SIPA1L3: variants seen among roughly 807,000 people sequenced by gnomAD.
SIPA1L3 encodes signal-induced proliferation-associated 1-like protein 3.
In SIPA1L3, 59 loss-of-function variants were observed where a neutral mutation model predicts 150.1. That is an observed-to-expected ratio of 0.39 (90% CI 0.32 to 0.49). The LOEUF (loss-of-function observed/expected upper bound fraction) is 0.49, where lower values mean the gene tolerates loss of function less well. Ranked by LOEUF, SIPA1L3 falls within the 20% of genes least tolerant of loss-of-function variation. The pLI is 0.86. For synonymous variants in SIPA1L3, 1,070 were observed against 1,077.6 expected (o/e 0.99, Z 0.14); for missense variants, 2,211 against 2,489.5 (o/e 0.89, Z 2.38).
At chr19:38,158,347 G>T (rs558456224) in intron 13 of SIPA1L3, among the ~76,000 whole-genome samples, 8 of 152,340 alleles carry the variant, frequency 5.3e-5, no homozygotes, top group African/African-American at 1.9e-4. Flanking sequence ...AAAGAAGTCA[G>T]TGGGGATGAG....
chr19:38,157,483 A>G (rs1201320114), intron 13 of SIPA1L3, among the ~76,000 whole-genome samples: 1 of 152,186 alleles, frequency 6.6e-6, no homozygotes, highest in African/African-American at 2.4e-5. Flanking sequence ...GAACCCCTCC[A>G]TAAGCTCCAC....
chr19:37,915,367 GT>G (rs892494952), intron 1 of SIPA1L3, among the ~76,000 whole-genome samples: 2 of 150,810 alleles, frequency 1.3e-5, no homozygotes, highest in Admixed American at 6.7e-5. Context: ...TGGAAAAGGT[GT>G]TTTTTTTTGT....
rs1305864653 is a variant in SIPA1L3, at chr19:38,149,082, T to G, written c.3534-3758T>G. Among the ~76,000 whole-genome samples the G allele has an allele frequency of 3.3e-5, 5 of 152,176 alleles. No homozygotes were observed. In the South Asian group the frequency reaches 8.3e-4, roughly 25 times the overall value. ...ATGGTCAACATAGGTCAGTTTGCAT[T>G]GGGATAATAAAAAGTCTTGTTAGTT... On this transcript the variant is annotated intron_variant, in intron 12 of 21. Coordinates refer to ENST00000222345, the MANE Select transcript of SIPA1L3 (RefSeq NM_015073.3).
chr19:38,112,088 T>C (rs1335682568), intron 8 of SIPA1L3, among the ~76,000 whole-genome samples: 2 of 143,878 alleles, frequency 1.4e-5, no homozygotes, highest in Non-Finnish European at 3.0e-5. Context: ...CGTCCGCACA[T>C]GCACACACCT....
intron 1 of SIPA1L3, among the ~76,000 whole-genome samples, chr19:37,983,238 C>T (rs1967244776): frequency 6.6e-6 from 1 of 152,160 alleles, no homozygotes; most frequent in African/African-American, 2.4e-5. Context: ...GCTAGAGAGG[C>T]AGTGGAGGGT....
At chr19:38,044,832 C>T (rs543428174) in intron 2 of SIPA1L3, among the ~76,000 whole-genome samples, 1 of 152,154 alleles carries the variant, frequency 6.6e-6, no homozygotes, top group African/African-American at 2.4e-5. Flanking sequence ...AGAAACATAA[C>T]CCAGACATCT....
chr19:37,981,586 G>T (rs762937838), intron 1 of SIPA1L3, among the ~76,000 whole-genome samples: 2 of 152,022 alleles, frequency 1.3e-5, no homozygotes, highest in African/African-American at 2.4e-5. Context: ...ATAGATGCCG[G>T]CAATTATTAT....
chr19:37,985,024 G>A (rs946150888), intron 1 of SIPA1L3, among the ~76,000 whole-genome samples: 7 of 152,160 alleles, frequency 4.6e-5, no homozygotes, highest in Non-Finnish European at 1.0e-4. Context: ...AAGGTCTGGT[G>A]GAGGAGACAG....
chr19:37,932,211 A>T (rs1446130349), intron 1 of SIPA1L3: 4 of 152,512 alleles, frequency 2.6e-5, no homozygotes. Context: ...GTGTGGGCAC[A>T]AGTCCAGCCC....
rs370275488 is a variant in SIPA1L3, at chr19:37,926,863, C to T, written c.-379+19505C>T. ...CAATGTATGTAGCGTCTGCTGCATGCAAGACACTGTGCCGGGCCCTTCACA... is the reference window on the plus strand; with the variant it reads ...CAATGTATGTAGCGTCTGCTGCATGTAAGACACTGTGCCGGGCCCTTCACA... On this transcript the variant is annotated intron_variant, in intron 1 of 21. Transcript: ENST00000222345. Among the ~76,000 whole-genome samples, 11 of 152,180 alleles carry T rather than the reference C, an allele frequency of 7.2e-5. No individual in the cohort carries two copies. The East Asian group carries it at 7.7e-4, about 11-fold the overall frequency.
In SIPA1L3 at chr19:38,164,743, G is replaced by A. The variant is rs146387504; in HGVS notation, c.4045G>A (p.Glu1349Lys). The A allele has an allele frequency of 3.7e-6, 6 of 1,612,594 alleles. No individual in the cohort carries two copies. Among genetic ancestry groups the A allele is most frequent in the East Asian group, 4.5e-5 (2 of 44,804 alleles). Reference protein sequence around the residue: ...GSMGLCGGGREAAGRSHHADR... With the variant: ...GSMGLCGGGRKAAGRSHHADR... The stretch of plus-strand genomic sequence containing the variant: ...TATGGGCCTTTGTGGCGGGGGTCGC[G>A]AGGCCGCTGGGAGGTCCCACCACGC... The change falls in exon 15 of 22, where the codon GAG becomes AAG. Residue 1349 changes from glutamate to lysine, a missense_variant. This residue lies in a region of SIPA1L3 where 806 missense variants were observed against 870.1 expected (regional missense o/e 0.93). Transcript: ENST00000222345. This position sits in a 1 kb window ranked among gnomAD's most constrained non-coding sequence, Gnocchi z 4.1.
rs761434202 is a variant in SIPA1L3 at position 38,082,343 on chromosome 19, G to T, written c.778G>T (p.Asp260Tyr). ...LMGGGGGAKG[D>Y]SHNGQPAKDS... The stretch of plus-strand genomic sequence containing the variant: ...GGGGGGCGGCGGCGGAGCCAAGGGG[G>T]ACTCCCACAACGGGCAGCCCGCCAA... Residue 260 changes from aspartate (D) to tyrosine (Y), a missense_variant, in exon 3 of 22, where the codon GAC (aspartate) becomes TAC (tyrosine). Physicochemically the swap from Asp to Tyr is radical, Grantham distance 160 (BLOSUM62 -3). This residue lies in a region of SIPA1L3 where 587 missense variants were observed against 534.5 expected (regional missense o/e 1.10). Coordinates refer to ENST00000222345, the MANE Select transcript of SIPA1L3 (RefSeq NM_015073.3). 1 of 1,598,718 alleles carries T rather than the reference G, an allele frequency of 6.3e-7. No homozygotes were observed. The highest frequency in any genetic ancestry group is 8.5e-7 in the Non-Finnish European group (1 of 1,178,966).
chr19:38,015,492 G>C (rs937600661), intron 1 of SIPA1L3, among the ~76,000 whole-genome samples: 1 of 152,076 alleles, frequency 6.6e-6, no homozygotes, highest in African/African-American at 2.4e-5. Flanking sequence ...GGGAGGCTGA[G>C]GCGGGCAGAC....
intron 1 of SIPA1L3, among the ~76,000 whole-genome samples, chr19:37,974,672 T>G (rs185784987): frequency 6.6e-6 from 1 of 152,232 alleles, no homozygotes; most frequent in African/African-American, 2.4e-5. Flanking sequence ...TGCTTTCATT[T>G]CGTGAATCTT....
intron 12 of SIPA1L3, among the ~76,000 whole-genome samples, chr19:38,149,747 C>A (rs1370301150): frequency 6.6e-6 from 1 of 152,194 alleles, no homozygotes; most frequent in Non-Finnish European, 1.5e-5. Flanking sequence ...ATGTGTGGCA[C>A]CTCCACTTTT....
At chr19:38,040,551 T>A (rs1311355708) in intron 2 of SIPA1L3, among the ~76,000 whole-genome samples, 1 of 152,170 alleles carries the variant, frequency 6.6e-6, no homozygotes, top group Non-Finnish European at 1.5e-5. Context: ...GACTCATCAT[T>A]CCAGTGCGAA....
At chr19:38,029,590 T>C (rs1202263771) in intron 2 of SIPA1L3, among the ~76,000 whole-genome samples, 2 of 152,206 alleles carry the variant, frequency 1.3e-5, no homozygotes, top group Middle Eastern at 3.2e-3. Flanking sequence ...AACCCTCTTT[T>C]GGTATATAGT....
At chr19:38,071,252 T>G (rs1417442312) in intron 2 of SIPA1L3, among the ~76,000 whole-genome samples, 1 of 149,792 alleles carries the variant, frequency 6.7e-6, no homozygotes, top group African/African-American at 2.5e-5. Flanking sequence ...TATCTATCTA[T>G]CTATCTATCT....
intron 2 of SIPA1L3, among the ~76,000 whole-genome samples, chr19:38,071,918 T>A (rs1333247605): frequency 6.6e-6 from 1 of 152,194 alleles, no homozygotes; most frequent in East Asian, 1.9e-4. Flanking sequence ...AGGTTGGGAA[T>A]GTTCAGTTGC....
Sources: gnomAD v4.1 joint callset for allele counts (sites outside exome capture counted in the v4.1 genomes callset) on GRCh38, gnomAD v4.1.1 for gene constraint, gnomAD v4.1.1 regional missense constraint, Gnocchi (gnomAD v3.1) non-coding constraint, MANE v1.5 for transcripts, NCBI Gene and HGNC (gene_info 2026-07-23, HGNC 2026-07-21) for gene names.